The following ARHGAP10 variants were observed in gnomAD, a reference collection of about 807,000 sequenced individuals.
The protein encoded by ARHGAP10 is rho GTPase-activating protein 10.
In ARHGAP10, 87 loss-of-function variants were observed where a neutral mutation model predicts 108.6. The ratio of observed to expected loss-of-function variants is 0.80; its 90% CI spans 0.67 to 0.96. The LOEUF (loss-of-function observed/expected upper bound fraction) is 0.96. Ranked by LOEUF, ARHGAP10 falls within the 40% of genes least tolerant of loss-of-function variation. The probability of loss-of-function intolerance (pLI) is 0.00; values close to 1 mark genes in which losing one functional copy is unlikely to be tolerated. For missense variants in ARHGAP10, 939 were observed against 954.5 expected, an observed-to-expected ratio of 0.98 and a Z score of 0.21; for synonymous variants, 347 against 341.1, an observed-to-expected ratio of 1.02 and a Z score of -0.19.
intron 11 of ARHGAP10, among the ~76,000 whole-genome samples, chr4:147,908,831 C>T (rs1033045115): frequency 6.6e-6 from 1 of 152,168 alleles, no homozygotes; most frequent in Non-Finnish European, 1.5e-5. Context: ...TTTAAGGACC[C>T]TGCCCCCTTT....
intron 1 of ARHGAP10, among the ~76,000 whole-genome samples, chr4:147,805,894 T>C (rs1371317764): frequency 6.6e-6 from 1 of 152,244 alleles, no homozygotes; most frequent in Admixed American, 6.5e-5. Flanking sequence ...TGAAACTTTA[T>C]GCTAACACAA....
chr4:147,932,068 TCAA>T (rs1223428690), intron 13 of ARHGAP10, among the ~76,000 whole-genome samples: 5 of 152,050 alleles, frequency 3.3e-5, no homozygotes, highest in African/African-American at 1.2e-4. Context: ...AAAAAAAAGT[TCAA>T]CATCATTAAT....
chr4:147,899,161 ACT>A (rs1437910472), intron 10 of ARHGAP10, among the ~76,000 whole-genome samples: 8 of 151,830 alleles, frequency 5.3e-5, no homozygotes, highest in South Asian at 4.2e-4. Context: ...GCGGGTTCAG[ACT>A]CTCTGTGTCT....
At chr4:147,777,106 C>G (rs1037923110) in intron 1 of ARHGAP10, among the ~76,000 whole-genome samples, 15 of 152,098 alleles carry the variant, frequency 9.9e-5, no homozygotes, top group African/African-American at 3.4e-4. Flanking sequence ...CATAAATTTA[C>G]ATTAATGTTA....
At chr4:147,735,508 G>T (rs2126672969) in intron 1 of ARHGAP10, among the ~76,000 whole-genome samples, 2 of 152,320 alleles carry the variant, frequency 1.3e-5, no homozygotes, top group Middle Eastern at 3.4e-3. Context: ...TGGAATGGTG[G>T]TTTTTCAGGG....
intron 18 of ARHGAP10, among the ~76,000 whole-genome samples, chr4:148,019,344 T>C (rs1741470552): frequency 6.6e-6 from 1 of 152,250 alleles, no homozygotes; most frequent in Admixed American, 6.5e-5. Context: ...GGCTACTGTG[T>C]GCCAGGGACT....
chr4:147,983,019 C>T lies in ARHGAP10; in HGVS notation c.1716+16180C>T, dbSNP rs554258384. Among the ~76,000 whole-genome samples the T allele has an allele frequency of 1.4e-3, 208 of 151,492 alleles. 2 individuals carry two copies. The highest frequency in any genetic ancestry group is 4.8e-3 in the African/African-American group (199 of 41,270). On this transcript the variant is annotated intron_variant, in intron 18 of 22. Transcript: ENST00000336498. ...CCTCAGTCTTCCTAGTAGCTGGACT[C>T]CAGGTGTGCATGACCATGCACTGCT... is the stretch of plus-strand genomic sequence containing the variant.
intron 1 of ARHGAP10, among the ~76,000 whole-genome samples, chr4:147,792,762 C>T (rs575404150): frequency 6.6e-5 from 10 of 151,980 alleles, no homozygotes; most frequent in African/African-American, 2.4e-4. Context: ...GGATTTTTTT[C>T]TTTTGTGTTT....
chr4:148,059,778 G>A (rs1245918597), intron 20 of ARHGAP10, among the ~76,000 whole-genome samples: 1 of 152,164 alleles, frequency 6.6e-6, no homozygotes, highest in East Asian at 1.9e-4. Context: ...GGCAGAAGGC[G>A]TGGGACTCGC....
At chr4:147,770,343 G>A (rs1730025747) in intron 1 of ARHGAP10, among the ~76,000 whole-genome samples, 1 of 152,158 alleles carries the variant, frequency 6.6e-6, no homozygotes, top group Non-Finnish European at 1.5e-5. Context: ...TGGCCAACAT[G>A]GTGAAACCCT....
intron 12 of ARHGAP10, among the ~76,000 whole-genome samples, chr4:147,910,348 CA>C (rs34833952): frequency 0.064 from 9,078 of 142,048 alleles, 695 homozygotes; most frequent in African/African-American, 0.19. Context: ...GAGTCTTTCT[CA>C]AAAAAAAAAA....
intron 9 of ARHGAP10, among the ~76,000 whole-genome samples, chr4:147,879,997 G>T (rs759161259): frequency 3.0e-4 from 45 of 152,294 alleles, no homozygotes; most frequent in Non-Finnish European, 6.0e-4. Context: ...ATCTTACAAA[G>T]TTCTCACATA....
chr4:147,915,861 T>G (rs981561818), intron 13 of ARHGAP10, among the ~76,000 whole-genome samples: 4 of 152,112 alleles, frequency 2.6e-5, no homozygotes, highest in African/African-American at 2.4e-5. Context: ...CCCAGCACTT[T>G]GGGAGGTTGA....
At chr4:147,766,799 C>CATATATATAT (rs57572532) in intron 1 of ARHGAP10, among the ~76,000 whole-genome samples, 8 of 126,468 alleles carry the variant, frequency 6.3e-5, no homozygotes, top group South Asian at 2.4e-4. Context: ...CATATATTCA[C>CATATATATAT]ATATATATAT....
At chr4:147,790,453 A>T (rs1731073086) in intron 1 of ARHGAP10, among the ~76,000 whole-genome samples, 1 of 152,238 alleles carries the variant, frequency 6.6e-6, no homozygotes, top group Non-Finnish European at 1.5e-5. Flanking sequence ...TGTTGAGAAG[A>T]TCCAGTGTAT....
chr4:147,875,721 A>G (rs990267713), intron 8 of ARHGAP10, among the ~76,000 whole-genome samples: 1 of 152,230 alleles, frequency 6.6e-6, no homozygotes, highest in African/African-American at 2.4e-5. Flanking sequence ...AGATGGTGAT[A>G]AAAGATATTC....
At position 148,072,044 on chromosome 4, in the gene ARHGAP10, G is replaced by C; in HGVS notation, c.2324G>C (p.Arg775Thr). The C allele has an allele frequency of 6.2e-7, 1 of 1,613,634 alleles. No homozygotes were observed. Among genetic ancestry groups the C allele is most frequent in the Non-Finnish European group, 8.5e-7 (1 of 1,179,832 alleles). Reference sequence around the variant, plus strand: ...CTAGAAGGGACTCTGAACGGCAAGAGGGGGCTGATTCCACAGAACTACGTC... The same window carrying C: ...CTAGAAGGGACTCTGAACGGCAAGACGGGGCTGATTCCACAGAACTACGTC... Reference protein sequence around the residue: ...GWLEGTLNGKRGLIPQNYVKL... With the variant: ...GWLEGTLNGKTGLIPQNYVKL... Residue 775 changes from arginine (R) to threonine (T), a missense_variant, in exon 23 of 23, where the codon AGG becomes ACG. Physicochemically the swap from Arg to Thr is moderately conservative, Grantham distance 71. Coordinates refer to ENST00000336498, the MANE Select transcript of ARHGAP10 (RefSeq NM_024605.4).
intron 13 of ARHGAP10, among the ~76,000 whole-genome samples, chr4:147,914,728 T>C (rs1350883331): frequency 2.6e-5 from 4 of 152,258 alleles, no homozygotes; most frequent in Admixed American, 6.5e-5. Context: ...TATTCCATTA[T>C]ATGGATATAG....
intron 1 of ARHGAP10, among the ~76,000 whole-genome samples, chr4:147,798,835 C>T (rs543646338): frequency 4.9e-5 from 7 of 142,484 alleles, no homozygotes; most frequent in East Asian, 2.0e-4. Context: ...TACCCCCCCA[C>T]GCTTGAAAAA....
Sources: allele counts gnomAD v4.1 joint callset (sites outside exome capture counted in the v4.1 genomes callset), GRCh38; gene constraint gnomAD v4.1.1; transcripts MANE v1.5; gene names NCBI Gene and HGNC (gene_info 2026-07-23, HGNC 2026-07-21).